Variants in CAMSAP1 observed in about 807,000 individuals in gnomAD.
The protein encoded by CAMSAP1 is calmodulin-regulated spectrin-associated protein 1.
In CAMSAP1, 58 loss-of-function variants were observed where a neutral mutation model predicts 143.5. The ratio of observed to expected loss-of-function variants is 0.40; its 90% CI spans 0.33 to 0.50. The LOEUF (loss-of-function observed/expected upper bound fraction) is 0.50. Ranked by LOEUF, CAMSAP1 falls within the 20% of genes least tolerant of loss-of-function variation. The pLI is 0.45. For synonymous variants in CAMSAP1, 945 were observed against 859.3 expected, an observed-to-expected ratio of 1.10 and a Z score of -1.74; for missense variants, 1,969 against 2,115.7, an observed-to-expected ratio of 0.93 and a Z score of 1.36.
At chr9:135,874,324 T>C (rs1380931969) in intron 3 of CAMSAP1, among the ~76,000 whole-genome samples, 1 of 152,102 alleles carries the variant, frequency 6.6e-6, no homozygotes, top group Non-Finnish European at 1.5e-5. Flanking sequence ...TTTTTTTTAA[T>C]TAGCCAGGCG....
chr9:135,818,534 T>G lies in CAMSAP1; in HGVS notation c.4042A>C (p.Lys1348Gln). 1 of 1,612,828 alleles carries G rather than the reference T, an allele frequency of 6.2e-7. No individual in the cohort carries two copies. The highest frequency in any genetic ancestry group is 8.5e-7 in the Non-Finnish European group (1 of 1,179,806). The change falls in exon 13 of 17, where the codon AAG becomes CAG. Residue 1348 changes from lysine (K) to glutamine (Q), a missense_variant. Around this residue, in one of 4 missense-constraint regions of CAMSAP1, gnomAD observed 1,390 missense variants for 1,420.8 expected, o/e 0.98. Transcript: ENST00000389532. The surrounding 1 kb of genome is among the most constrained non-coding windows in gnomAD (Gnocchi z 7.7). ...ELIKQEYLRR[K>Q]QQQILEEQGL... ...TGCTCCTCTAGGATCTGCTGCTGCT[T>G]CCTCCGCAGGTACTCCTGCTTGATG...
chr9:135,892,288 G>A (rs986327948), intron 1 of CAMSAP1, among the ~76,000 whole-genome samples: 2 of 152,092 alleles, frequency 1.3e-5, no homozygotes, highest in Admixed American at 6.5e-5. Context: ...ACCAGCCACA[G>A]ACTTTCAGTT....
intron 7 of CAMSAP1, among the ~76,000 whole-genome samples, chr9:135,848,595 C>T (rs1423429053): frequency 6.6e-6 from 1 of 152,184 alleles, no homozygotes; most frequent in Non-Finnish European, 1.5e-5. Context: ...TCTGCCTGCT[C>T]TCCAGCCTGT....
chr9:135,817,227 CTT>C (rs1835261773), intron 14 of CAMSAP1, among the ~76,000 whole-genome samples: 1 of 152,226 alleles, frequency 6.6e-6, no homozygotes, highest in Non-Finnish European at 1.5e-5. Context: ...CAGGGACACT[CTT>C]GGGATAACTG....
chr9:135,819,189 A>AGG, intron 11 of CAMSAP1, 43 bp from the exon 12 acceptor site: 1 of 1,571,274 alleles, frequency 6.4e-7, no homozygotes, highest in Non-Finnish European at 8.6e-7. Flanking sequence ...GAACCCCCTC[A>AGG]GACGCCGGAC....
chr9:135,903,418 G>A (rs188963313), intron 1 of CAMSAP1, among the ~76,000 whole-genome samples: 7 of 152,334 alleles, frequency 4.6e-5, no homozygotes, highest in Admixed American at 2.0e-4. Context: ...AGCCCAAGGC[G>A]GCCACAATTC....
chr9:135,900,551 C>T (rs962694119), intron 1 of CAMSAP1, among the ~76,000 whole-genome samples: 2 of 151,576 alleles, frequency 1.3e-5, no homozygotes, highest in South Asian at 2.1e-4. Context: ...AAAAATTAGC[C>T]GGGCGTTGTG....
At position 135,818,598 on chromosome 9, in the gene CAMSAP1, G is replaced by C; in HGVS notation, c.3978C>G (p.Asp1326Glu). 6.2e-7 allele frequency: 1 copy of C among 1,613,252 alleles called. No individual in the cohort carries two copies. Among genetic ancestry groups the C allele is most frequent in the Non-Finnish European group, 8.5e-7 (1 of 1,179,808 alleles). Residue 1326 changes from aspartate (D) to glutamate (E), a missense_variant, in exon 13 of 17, where the codon GAC becomes GAG. Asp to Glu is a conservative substitution (Grantham distance 45). This residue lies in a region of CAMSAP1 where 1,390 missense variants were observed against 1,420.8 expected (regional missense o/e 0.98). Coordinates refer to ENST00000389532, the MANE Select transcript of CAMSAP1 (RefSeq NM_015447.4). The surrounding 1 kb of genome is among the most constrained non-coding windows in gnomAD (Gnocchi z 7.7). Reference protein sequence around the residue: ...RDEARRKAEEDRVRKEEEKAR... With the variant: ...RDEARRKAEEERVRKEEEKAR... The stretch of plus-strand genomic sequence containing the variant: ...CCTTCTCCTCCTCCTTCCGCACCCG[G>C]TCTTCCTCAGCTTTGCGCCTGAGAG...
At position 135,882,009 on chromosome 9, in the gene CAMSAP1, A is replaced by C. The variant is rs1458304244; in HGVS notation, c.424-215T>G. On this transcript the variant is annotated intron_variant, in intron 2 of 16. Coordinates refer to ENST00000389532, the MANE Select transcript of CAMSAP1 (RefSeq NM_015447.4). This position sits in a 1 kb window ranked among gnomAD's most constrained non-coding sequence, Gnocchi z 4.9. ...TCAAGCCTCAAGACCGTCTGGAACC[A>C]GGAGTCCGTTCTCAGGCAGGCAGGC... Among the ~76,000 whole-genome samples the C allele has an allele frequency of 1.3e-5, 2 of 152,226 alleles. No homozygotes were observed. The highest frequency in any genetic ancestry group is 2.9e-5 in the Non-Finnish European group (2 of 68,044).
chr9:135,825,875 C>T (rs1035234722), intron 8 of CAMSAP1, among the ~76,000 whole-genome samples: 1 of 152,144 alleles, frequency 6.6e-6, no homozygotes, highest in African/African-American at 2.4e-5. Context: ...CAAAGAGACA[C>T]AGTGAGAGCA....
At chr9:135,899,441 A>C (rs766150609) in intron 1 of CAMSAP1, among the ~76,000 whole-genome samples, 6 of 151,722 alleles carry the variant, frequency 4.0e-5, no homozygotes, top group Non-Finnish European at 8.8e-5. Flanking sequence ...AAAAAGTCCA[A>C]AACAAAAGTC....
At chr9:135,868,967 GACA>G (rs1837479269) in intron 3 of CAMSAP1, among the ~76,000 whole-genome samples, 1 of 151,886 alleles carries the variant, frequency 6.6e-6, no homozygotes, top group Non-Finnish European at 1.5e-5. Context: ...CATGAAATGT[GACA>G]ACATTTGGAA....
chr9:135,864,442 C>T (rs761538692), intron 4 of CAMSAP1, among the ~76,000 whole-genome samples: 3 of 152,216 alleles, frequency 2.0e-5, no homozygotes, highest in Non-Finnish European at 2.9e-5. Flanking sequence ...AGCTTACTCC[C>T]GCTGCTATCG....
chr9:135,857,172 C>T lies in CAMSAP1; in HGVS notation c.808+5295G>A, dbSNP rs146507985. Among the ~76,000 whole-genome samples the T allele has an allele frequency of 2.5e-3, 377 of 152,326 alleles. 2 individuals are homozygous for T. The highest frequency in any genetic ancestry group is 0.024 in the Middle Eastern group (7 of 294). ...CCTGCTGGCCACCCACTGGGTCCTTCCTACTTACCACGCATGTCCTTGGGA... is the reference window on the plus strand; with the variant it reads ...CCTGCTGGCCACCCACTGGGTCCTTTCTACTTACCACGCATGTCCTTGGGA... On this transcript the variant is annotated intron_variant, in intron 5 of 16. Coordinates refer to ENST00000389532, the MANE Select transcript of CAMSAP1 (RefSeq NM_015447.4).
At chr9:135,816,071 A>AG (rs1835220125) in intron 14 of CAMSAP1, 66 bp from the exon 15 acceptor site, 1 of 1,486,140 alleles carries the variant, frequency 6.7e-7, no homozygotes, top group Non-Finnish European at 9.3e-7. Flanking sequence ...ACTGCTGGCA[A>AG]GGGGCTGGCC....
chr9:135,882,915 C>T lies in CAMSAP1; in HGVS notation c.324G>A (p.Gln108=). ...TCCGGGACAGGGCCTGGATGACAGA[C>T]TGGTGTCCCTGTAAGGCGGCCACCT... ...GDQVAALQGH[Q]SVIQALSRKG... Residue 108 remains glutamine, a synonymous_variant, in exon 2 of 17, where the codon CAG becomes CAA. Transcript: ENST00000389532. This position sits in a 1 kb window ranked among gnomAD's most constrained non-coding sequence, Gnocchi z 4.9. 6.4e-7 allele frequency: 1 copy of T among 1,551,732 alleles called. No individual in the cohort carries two copies. Among genetic ancestry groups the T allele is most frequent in the Non-Finnish European group, 8.7e-7 (1 of 1,147,006 alleles).
chr9:135,892,847 T>TAAAAA (rs1588509180), intron 1 of CAMSAP1, among the ~76,000 whole-genome samples: 1 of 7,884 alleles, frequency 1.3e-4, no homozygotes, highest in Non-Finnish European at 2.3e-4. Flanking sequence ...CAAGACTGTC[T>TAAAAA]CAAAAAAAAA....
intron 1 of CAMSAP1, among the ~76,000 whole-genome samples, chr9:135,906,222 A>T (rs1838773011): frequency 6.6e-6 from 1 of 152,246 alleles, no homozygotes. Flanking sequence ...TTACTCTAAA[A>T]AGGGTAATTT....
intron 7 of CAMSAP1, among the ~76,000 whole-genome samples, chr9:135,829,454 C>A (rs1835781434): frequency 6.6e-6 from 1 of 152,026 alleles, no homozygotes; most frequent in Non-Finnish European, 1.5e-5. Context: ...GAGTCTGAGG[C>A]TGCAGTGAGC....
Sources: allele counts gnomAD v4.1 joint callset (sites outside exome capture counted in the v4.1 genomes callset), GRCh38; gene constraint gnomAD v4.1.1; regional missense constraint gnomAD v4.1.1; non-coding constraint Gnocchi (gnomAD v3.1); transcripts MANE v1.5; gene names NCBI Gene and HGNC (gene_info 2026-07-23, HGNC 2026-07-21).